FER1L6: variants seen among roughly 807,000 people sequenced by gnomAD.
FER1L6 encodes the protein fer-1 like family member 6.
Under a neutral mutation model 219.2 loss-of-function variants are expected in FER1L6, and 177 were observed. The observed-to-expected ratio is 0.81, with a 90% CI of 0.71 to 0.91. FER1L6 has a LOEUF of 0.91. Among genes scored for constraint, FER1L6 ranks in the 40% least tolerant of loss-of-function variants. The pLI is 0.00. For missense variants in FER1L6, 2,153 were observed against 2,259.9 expected (o/e 0.95, Z 0.96); for synonymous variants, 768 against 824.3 (o/e 0.93, Z 1.17).
At chr8:123,929,901 A>G (rs569780021) in intron 1 of FER1L6, among the ~76,000 whole-genome samples, 4 of 152,072 alleles carry the variant, frequency 2.6e-5, no homozygotes, top group East Asian at 1.9e-4. Flanking sequence ...ATAAGTATGT[A>G]CATGACTGAG....
At chr8:123,939,069 C>T (rs149835633) in intron 1 of FER1L6, 269 of 644,086 alleles carry the variant, frequency 4.2e-4, no homozygotes, top group Non-Finnish European at 4.8e-4. Flanking sequence ...AATATCAAAC[C>T]CTTAGTTTTG....
chr8:124,081,605 CAA>C (rs1243602409), intron 32 of FER1L6, among the ~76,000 whole-genome samples: 7 of 53,018 alleles, frequency 1.3e-4, no homozygotes, highest in Admixed American at 6.0e-4. Context: ...ATGCAGAGAC[CAA>C]AAAAAAAAAA....
chr8:123,898,797 A>ATATGTACATATATATG (rs1554613191), intron 1 of FER1L6, among the ~76,000 whole-genome samples: 122 of 143,056 alleles, frequency 8.5e-4, no homozygotes, highest in Admixed American at 1.8e-3. Context: ...ACATATATAC[A>ATATGTACATATATATG]TATATACACA....
intron 18 of FER1L6, among the ~76,000 whole-genome samples, chr8:124,025,458 T>C (rs1818664783): frequency 6.6e-6 from 1 of 152,222 alleles, no homozygotes. Context: ...TTTGTGTTTT[T>C]GTATAGTTTG....
chr8:124,026,289 T>C (rs1818704531), intron 18 of FER1L6, among the ~76,000 whole-genome samples: 1 of 152,210 alleles, frequency 6.6e-6, no homozygotes, highest in Non-Finnish European at 1.5e-5. Context: ...TGATTAACTT[T>C]TCCTAACTCA....
chr8:123,945,338 T>A (rs1443342283), intron 1 of FER1L6, among the ~76,000 whole-genome samples: 1 of 152,192 alleles, frequency 6.6e-6, no homozygotes, highest in Admixed American at 6.5e-5. Context: ...AAATAATTTA[T>A]AAAGAACCTG....
intron 19 of FER1L6, among the ~76,000 whole-genome samples, chr8:124,038,273 G>A (rs114622403): frequency 0.018 from 2,690 of 152,282 alleles, 88 homozygotes; most frequent in African/African-American, 0.06. Context: ...CACCACCTCC[G>A]CTATGGTCTG....
At chr8:123,874,794 T>C (rs376991747) in intron 1 of FER1L6, among the ~76,000 whole-genome samples, 10 of 152,214 alleles carry the variant, frequency 6.6e-5, no homozygotes, top group Non-Finnish European at 1.0e-4. Flanking sequence ...GTTCCCTCTC[T>C]AGTGGATCAA....
chr8:124,010,715 G>A lies in FER1L6; in HGVS notation c.1821+1G>A. ...GCTGGAGAAAATGGCAGACTTCCTGGTAGGTGACTCTGACAGGTGATGGAT... is the reference window on the plus strand; with the variant it reads ...GCTGGAGAAAATGGCAGACTTCCTGATAGGTGACTCTGACAGGTGATGGAT... On this transcript the variant is annotated splice_donor_variant, in intron 14 of 40. Coordinates refer to ENST00000522917, the MANE Select transcript of FER1L6 (RefSeq NM_001039112.2). LOFTEE classifies it high-confidence loss of function. 1 of 1,612,834 alleles carries A rather than the reference G, an allele frequency of 6.2e-7. No homozygotes were observed. The highest frequency in any genetic ancestry group is 8.5e-7 in the Non-Finnish European group (1 of 1,179,718).
chr8:123,974,360 G>T (rs987543343), intron 7 of FER1L6, among the ~76,000 whole-genome samples: 4 of 152,082 alleles, frequency 2.6e-5, no homozygotes, highest in African/African-American at 9.7e-5. Context: ...CATTGGCCAG[G>T]TGCAGTGGCT....
chr8:123,980,928 T>C, intron 11 of FER1L6, 117 bp downstream of exon 11: 2 of 895,124 alleles, frequency 2.2e-6, no homozygotes, highest in Non-Finnish European at 3.3e-6. Flanking sequence ...CTCTGAAAAA[T>C]TTGTGTTGGC....
At chr8:123,954,080 C>A (rs1459481079) in intron 1 of FER1L6, among the ~76,000 whole-genome samples, 2 of 152,118 alleles carry the variant, frequency 1.3e-5, no homozygotes, top group African/African-American at 4.8e-5. Flanking sequence ...TGCTACATTA[C>A]CTCATTTTAT....
intron 1 of FER1L6, among the ~76,000 whole-genome samples, chr8:123,860,131 T>TC (rs1217968415): frequency 1.6e-5 from 1 of 61,816 alleles, no homozygotes; most frequent in African/African-American, 7.7e-5. Context: ...CCCTCCCCCC[T>TC]CCCCCCTCCC....
At chr8:123,889,416 TAAG>T (rs1050907324) in intron 1 of FER1L6, among the ~76,000 whole-genome samples, 5 of 152,158 alleles carry the variant, frequency 3.3e-5, no homozygotes, top group African/African-American at 1.2e-4. Flanking sequence ...CATTTCCAAT[TAAG>T]AAAGGGTTAT....
At chr8:123,977,682 T>C (rs1193150352) in intron 10 of FER1L6, 73 bp downstream of exon 10, 2 of 1,423,478 alleles carry the variant, frequency 1.4e-6, no homozygotes, top group Non-Finnish European at 1.9e-6. Flanking sequence ...TTAAAAGGGG[T>C]GGGCTAGAGC....
At chr8:123,879,358 ACT>A (rs2130292118) in intron 1 of FER1L6, among the ~76,000 whole-genome samples, 1 of 151,886 alleles carries the variant, frequency 6.6e-6, no homozygotes, top group African/African-American at 2.4e-5. Context: ...ATGGAATCTC[ACT>A]CTGTTGACCA....
chr8:123,927,405 A>G (rs16899060), intron 1 of FER1L6, among the ~76,000 whole-genome samples: 23,310 of 152,210 alleles, frequency 0.15, 1,909 homozygotes, highest in Middle Eastern at 0.23. Context: ...AAGCTGCTCA[A>G]CAATAGTAGA....
intron 1 of FER1L6, chr8:123,939,150 C>T (rs1422438341): frequency 1.0e-6 from 1 of 985,094 alleles, no homozygotes; most frequent in African/African-American, 1.7e-5. Flanking sequence ...CAGCATTTCT[C>T]AAATTGTGAC....
chr8:124,064,392 G>A lies in FER1L6; in HGVS notation c.3374G>A (p.Ser1125Asn), dbSNP rs527789122. The change falls in exon 26 of 41, where the codon AGC (serine) becomes AAC (asparagine). Residue 1125 changes from serine (S) to asparagine (N), a missense_variant. Transcript: ENST00000522917. ...GCCACTGAGTCCTCTGGAGCCCACA[G>A]CTCCTCCCAGGATCCCCCAGCAGAT... ...LTATESSGAH[S>N]SSQDPPADHI... 8.7e-6 allele frequency: 14 copies of A among 1,612,976 alleles called. No homozygotes were observed. In the South Asian group the frequency reaches 1.5e-4, roughly 18 times the overall value.
Sources: allele counts gnomAD v4.1 joint callset (sites outside exome capture counted in the v4.1 genomes callset), GRCh38; gene constraint gnomAD v4.1.1; transcripts MANE v1.5; gene names NCBI Gene and HGNC (gene_info 2026-07-23, HGNC 2026-07-21).